CRNKL1: variants seen among roughly 807,000 people sequenced by gnomAD.
The protein encoded by CRNKL1 is crooked neck pre-mRNA splicing factor 1.
A neutral mutation model predicts 103.7 loss-of-function variants in CRNKL1; 35 were observed. That is an observed-to-expected ratio of 0.34 (90% confidence interval 0.26 to 0.45). The LOEUF (loss-of-function observed/expected upper bound fraction) is 0.45, where lower values mean the gene tolerates loss of function less well. CRNKL1 is among the 20% of genes least tolerant of loss of function. The probability of loss-of-function intolerance (pLI) is 1.00; values close to 1 mark genes in which losing one functional copy is unlikely to be tolerated. For synonymous variants in CRNKL1, 267 were observed against 282.6 expected (o/e 0.94, Z 0.55); for missense variants, 645 against 836.0 (o/e 0.77, Z 2.82).
chr20:20,050,804 A>T (rs1393808467), intron 1 of CRNKL1, among the ~76,000 whole-genome samples, 182 bp from the exon 2 acceptor site: 1 of 152,170 alleles, frequency 6.6e-6, no homozygotes, highest in African/African-American at 2.4e-5. Context: ...TTTCTCTCTT[A>T]TTCATAGTAT....
intron 13 of CRNKL1, 110 bp downstream of exon 13, chr20:20,037,213 T>G: frequency 2.3e-6 from 3 of 1,319,906 alleles, no homozygotes; most frequent in Non-Finnish European, 3.1e-6. Context: ...CCAGGTGGTC[T>G]GCTTCCATTC....
intron 5 of CRNKL1, among the ~76,000 whole-genome samples, 154 bp from the exon 6 acceptor site, chr20:20,045,640 C>T (rs2043582243): frequency 6.6e-6 from 1 of 152,180 alleles, no homozygotes; most frequent in African/African-American, 2.4e-5. Flanking sequence ...TAGAATTAAA[C>T]AGTGGCTTCT....
chr20:20,039,303 C>T (rs2043473368), intron 11 of CRNKL1, among the ~76,000 whole-genome samples: 1 of 152,176 alleles, frequency 6.6e-6, no homozygotes, highest in South Asian at 2.1e-4. Flanking sequence ...CTGGCTTCTT[C>T]CTTGCCTGGC....
At chr20:20,039,085 G>T (rs1025120885) in intron 11 of CRNKL1, among the ~76,000 whole-genome samples, 2 of 152,212 alleles carry the variant, frequency 1.3e-5, no homozygotes, top group African/African-American at 4.8e-5. Context: ...TTAACAAAAC[G>T]GCTGGGTGAG....
At chr20:20,048,203 A>G in intron 4 of CRNKL1, 140 bp downstream of exon 4, 1 of 1,012,596 alleles carries the variant, frequency 9.9e-7, no homozygotes, top group Non-Finnish European at 1.4e-6. Flanking sequence ...GACTTAATAG[A>G]CTATGGGACA....
intron 13 of CRNKL1, 23 bp from the exon 14 acceptor site, chr20:20,036,385 G>C (rs532319908): frequency 1.2e-6 from 2 of 1,612,214 alleles, no homozygotes; most frequent in Non-Finnish European, 1.7e-6. Flanking sequence ...AAAATGAAAA[G>C]ATAAGCAAAC....
At position 20,040,330 on chromosome 20, in the gene CRNKL1, C is replaced by CAA. The variant is rs781058387; in HGVS notation, c.1305+354_1305+355dup. On this transcript the variant is annotated intron_variant, in intron 10 of 13. Coordinates refer to ENST00000536226, the MANE Select transcript of CRNKL1 (RefSeq NM_001278628.2). ...CTGTCTCAAAAAAAAACCAAACAAA[C>CAA]AAAAAAAAAAAAAAGAAAAAAAAAG... 7.6e-5 allele frequency among the ~76,000 whole-genome samples: 6 copies of CAA among 79,306 alleles called. No homozygotes were observed. In the East Asian group the frequency reaches 9.6e-4, roughly 13 times the overall value. The allele number at this position is 79,306 out of a possible 152,430, so 52.0% of individuals were successfully genotyped here.
At chr20:20,053,485 A>G (rs548122066), upstream of CRNKL1, among the ~76,000 whole-genome samples, 2 of 152,344 alleles carry the variant, frequency 1.3e-5, no homozygotes, top group South Asian at 2.1e-4. Flanking sequence ...TGTACATTCT[A>G]TGAGGTTGGA....
upstream of CRNKL1, chr20:20,052,506 G>C: frequency 3.1e-6 from 5 of 1,614,264 alleles, no homozygotes; most frequent in Non-Finnish European, 4.2e-6. Context: ...AGCCGTGACG[G>C]AGGCGGCACC....
chr20:20,050,713 G>T, intron 1 of CRNKL1, 91 bp from the exon 2 acceptor site: 2 of 1,196,744 alleles, frequency 1.7e-6, no homozygotes, highest in Non-Finnish European at 2.3e-6. Flanking sequence ...TATGAACTTT[G>T]TTAGTATTAT....
At chr20:20,054,101 CCTT>C (rs372881288), upstream of CRNKL1, among the ~76,000 whole-genome samples, 2 of 147,624 alleles carry the variant, frequency 1.4e-5, no homozygotes, top group African/African-American at 5.0e-5. Context: ...TTCATGTTTA[CCTT>C]CTTATTTCCC....
rs1056193035 is a variant in CRNKL1 at position 20,047,939 on chromosome 20, A to T, written c.456-8T>A. 1 of 1,609,064 alleles carries T rather than the reference A, an allele frequency of 6.2e-7. No individual in the cohort carries two copies. On this transcript the variant is annotated splice_region_variant and splice_polypyrimidine_tract_variant and intron_variant, in intron 4 of 13. Coordinates refer to ENST00000536226, the MANE Select transcript of CRNKL1 (RefSeq NM_001278628.2). Reference sequence around the variant, plus strand: ...ATGTACGTGTACTTGTACCTGTAACAAAATCACCCGAAAATATCTGCTGTG... The same window carrying T: ...ATGTACGTGTACTTGTACCTGTAACTAAATCACCCGAAAATATCTGCTGTG...
In CRNKL1 at chr20:20,045,353, C is replaced by A; in HGVS notation, c.756G>T (p.Glu252Asp). ...VEFFGDEHMD[E>D]HLYVAFAKFE... Reference sequence around the variant, plus strand: ...ACTTGGCAAAGGCAACATAAAGGTGCTCATCCATATGTTCATCTCCAAAGA... The same window carrying A: ...ACTTGGCAAAGGCAACATAAAGGTGATCATCCATATGTTCATCTCCAAAGA... The change falls in exon 6 of 14, where the codon GAG (glutamate) becomes GAT (aspartate). Residue 252 changes from glutamate (E) to aspartate (D), a missense_variant. Coordinates refer to ENST00000536226, the MANE Select transcript of CRNKL1 (RefSeq NM_001278628.2). 6.2e-7 allele frequency: 1 copy of A among 1,613,312 alleles called. No homozygotes were observed. The highest frequency in any genetic ancestry group is 8.5e-7 in the Non-Finnish European group (1 of 1,179,676).
In CRNKL1 at chr20:20,043,441, T is replaced by C. The variant is rs372362000; in HGVS notation, c.972+51A>G. ...TTCATTTTAGTGTTGCTAGTATTGA[T>C]GAGCACATCTTGGGTTATCTGCAGA... On this transcript the variant is annotated intron_variant, in intron 7 of 13. Coordinates refer to ENST00000536226, the MANE Select transcript of CRNKL1 (RefSeq NM_001278628.2). The C allele has an allele frequency of 5.3e-5, 83 of 1,552,876 alleles. No individual in the cohort carries two copies. In the African/African-American group the frequency reaches 8.5e-4, roughly 16 times the overall value.
In CRNKL1 at chr20:20,045,426, T is replaced by C; in HGVS notation, c.683A>G (p.His228Arg). The C allele has an allele frequency of 6.2e-7, 1 of 1,613,398 alleles. No homozygotes were observed. Among genetic ancestry groups the C allele is most frequent in the South Asian group, 1.1e-5 (1 of 91,032 alleles). ...WIKYARFEEK[H>R]AYFAHARKVY... ...TTTCCGTGCATGGGCAAAATAAGCA[T>C]GTTTTTCTTCAAAGCGGGCATACTT... Residue 228 changes from histidine to arginine, a missense_variant, in exon 6 of 14, where the codon CAT (histidine) becomes CGT (arginine). This residue lies in a region of CRNKL1 where 582 missense variants were observed against 707.7 expected (regional missense o/e 0.82). Transcript: ENST00000536226.
At chr20:20,048,264 T>C (rs2043626367) in intron 4 of CRNKL1, 79 bp downstream of exon 4, 1 of 1,480,110 alleles carries the variant, frequency 6.8e-7, no homozygotes, top group South Asian at 1.2e-5. Context: ...TAAACTATCA[T>C]CATGTAAATA....
upstream of CRNKL1, among the ~76,000 whole-genome samples, chr20:20,054,009 G>GTTT (rs1491456523): frequency 1.1e-5 from 1 of 88,854 alleles, no homozygotes; most frequent in African/African-American, 4.0e-5. Flanking sequence ...TGTTTTTTTT[G>GTTT]TTTGTTTTTT....
rs368617792 is a variant in CRNKL1 at position 20,048,032 on chromosome 20, A to G, written c.456-101T>C. On this transcript the variant is annotated intron_variant, in intron 4 of 13. Coordinates refer to ENST00000536226, the MANE Select transcript of CRNKL1 (RefSeq NM_001278628.2). The stretch of plus-strand genomic sequence containing the variant: ...TTACCTTTCTTAAAGGTTAAATCAA[A>G]CATGTTTTGTCATTTGTATGTAAAT... 6.0e-4 allele frequency: 805 copies of G among 1,343,920 alleles called. 7 individuals carry two copies. The South Asian group carries it at 8.8e-3, about 15-fold the overall frequency. 83.2% of individuals were successfully genotyped at this position (1,343,920 alleles called of 1,614,324 possible). A position where few individuals can be genotyped will look rare whatever the true frequency, so the allele number is the denominator to read the frequency against.
At chr20:20,041,470 C>T (rs889444303) in intron 9 of CRNKL1, 96 bp downstream of exon 9, 4 of 989,634 alleles carry the variant, frequency 4.0e-6, no homozygotes, top group Non-Finnish European at 6.4e-6. Context: ...GACAGGGAAG[C>T]ATTTTATCAA....
Sources: gnomAD v4.1 joint callset for allele counts (sites outside exome capture counted in the v4.1 genomes callset) on GRCh38, gnomAD v4.1.1 for gene constraint, gnomAD v4.1.1 regional missense constraint, MANE v1.5 for transcripts, NCBI Gene and HGNC (gene_info 2026-07-23, HGNC 2026-07-21) for gene names.